Variants in MOB3B observed in about 807,000 individuals in gnomAD.
The protein encoded by MOB3B is MOB kinase activator 3B, also known as MOB kinase activator-like 2B.
MOB3B carries 7 observed loss-of-function variants against 18.7 expected under a neutral mutation model. The ratio of observed to expected loss-of-function variants is 0.37; its 90% CI spans 0.21 to 0.70. MOB3B has a LOEUF of 0.70. Ranked by LOEUF, MOB3B falls within the 30% of genes least tolerant of loss-of-function variation. MOB3B has a pLI of 0.52. For synonymous variants in MOB3B, 111 were observed against 99.9 expected, an observed-to-expected ratio of 1.11 and a Z score of -0.66; for missense variants, 253 against 281.3, an observed-to-expected ratio of 0.90 and a Z score of 0.72.
intron 3 of MOB3B, among the ~76,000 whole-genome samples, chr9:27,346,883 C>T (rs1415302177): frequency 6.6e-6 from 1 of 152,102 alleles, no homozygotes; most frequent in Non-Finnish European, 1.5e-5. Context: ...GTAGTCCCAG[C>T]TACTCGGGAG....
In MOB3B at chr9:27,327,840, A is replaced by C. The variant is rs1820734207; in HGVS notation, c.*2747T>G. 1 of 152,204 alleles carries C rather than the reference A, an allele frequency of 6.6e-6. No individual in the cohort carries two copies. Among genetic ancestry groups the C allele is most frequent in the African/African-American group, 2.4e-5 (1 of 41,452 alleles). The allele number at this position is 152,204 out of a possible 1,614,324, so 9.4% of individuals were successfully genotyped here. Reference sequence around the variant, plus strand: ...AGATTTATAGGACAATGCTCTTATTAAAAGAAAGAATATGATGAAGTATTT... The same window carrying C: ...AGATTTATAGGACAATGCTCTTATTCAAAGAAAGAATATGATGAAGTATTT... On this transcript the variant is annotated 3_prime_UTR_variant, in exon 4 of 4. Coordinates refer to ENST00000262244, the MANE Select transcript of MOB3B (RefSeq NM_024761.5).
At chr9:27,405,812 TGAA>T in intron 2 of MOB3B, among the ~76,000 whole-genome samples, 1 of 152,230 alleles carries the variant, frequency 6.6e-6, no homozygotes, top group East Asian at 1.9e-4. Context: ...ACCAATAGAA[TGAA>T]GGACAAAAAC....
At chr9:27,519,319 A>G (rs1370527064) in intron 1 of MOB3B, among the ~76,000 whole-genome samples, 1 of 152,152 alleles carries the variant, frequency 6.6e-6, no homozygotes, top group African/African-American at 2.4e-5. Context: ...TTTATCCTGG[A>G]CCTCATATCC....
intron 2 of MOB3B, among the ~76,000 whole-genome samples, chr9:27,420,337 G>A (rs1395313638): frequency 2.0e-5 from 3 of 151,600 alleles, no homozygotes; most frequent in Admixed American, 1.3e-4. Flanking sequence ...GTCATTATTC[G>A]AAAAAGATAT....
intron 1 of MOB3B, among the ~76,000 whole-genome samples, chr9:27,464,284 T>C (rs540801914): frequency 6.6e-6 from 1 of 152,328 alleles, no homozygotes; most frequent in South Asian, 2.1e-4. Flanking sequence ...AAATGCTTCA[T>C]TCTTGCTTAA....
intron 2 of MOB3B, among the ~76,000 whole-genome samples, chr9:27,376,191 C>T (rs572330370): frequency 6.6e-6 from 1 of 152,160 alleles, no homozygotes; most frequent in Admixed American, 6.5e-5. Flanking sequence ...ATAACCATCA[C>T]ACAGACTCAG....
At chr9:27,352,371 CA>C (rs372959856) in intron 3 of MOB3B, among the ~76,000 whole-genome samples, 9,266 of 68,412 alleles carry the variant, frequency 0.14, 271 homozygotes, top group African/African-American at 0.23. Flanking sequence ...GACCCTGTCT[CA>C]AAAAAAAAAA....
At chr9:27,406,926 C>T (rs1821989387) in intron 2 of MOB3B, among the ~76,000 whole-genome samples, 2 of 152,092 alleles carry the variant, frequency 1.3e-5, no homozygotes, top group Non-Finnish European at 2.9e-5. Context: ...GCAACCTCCA[C>T]CTTTTGGATT....
At chr9:27,447,788 G>C (rs566688323) in intron 2 of MOB3B, among the ~76,000 whole-genome samples, 2 of 152,200 alleles carry the variant, frequency 1.3e-5, no homozygotes, top group Admixed American at 6.5e-5. Context: ...TTGTGGTGGG[G>C]AACTGTGACC....
intron 1 of MOB3B, among the ~76,000 whole-genome samples, 165 bp downstream of exon 1, chr9:27,529,390 G>A (rs188366016): frequency 1.1e-4 from 16 of 152,312 alleles, no homozygotes; most frequent in African/African-American, 3.8e-4. Flanking sequence ...CTCCAGCCCC[G>A]GAAGCCCGTG....
intron 1 of MOB3B, among the ~76,000 whole-genome samples, chr9:27,469,288 G>A (rs963149233): frequency 6.6e-5 from 10 of 151,436 alleles, no homozygotes; most frequent in Admixed American, 2.6e-4. Context: ...TTTCTAATAC[G>A]AGAAAAAAAA....
chr9:27,340,621 T>C (rs114123078), intron 3 of MOB3B, among the ~76,000 whole-genome samples: 2,351 of 152,122 alleles, frequency 0.015, 70 homozygotes, highest in African/African-American at 0.054. Context: ...TAGCACCCTG[T>C]CTTGCTCTGT....
chr9:27,350,111 A>T (rs999139267), intron 3 of MOB3B, among the ~76,000 whole-genome samples: 4 of 152,144 alleles, frequency 2.6e-5, no homozygotes, highest in Non-Finnish European at 5.9e-5. Context: ...TTTTAATTTA[A>T]TGTTAATCTC....
chr9:27,390,054 C>CAT (rs750356254), intron 2 of MOB3B, among the ~76,000 whole-genome samples: 352 of 151,770 alleles, frequency 2.3e-3, no homozygotes, highest in South Asian at 0.011. Flanking sequence ...TCAATAGTTG[C>CAT]ATATATATAT....
intron 3 of MOB3B, among the ~76,000 whole-genome samples, chr9:27,334,241 T>A (rs1223326209): frequency 6.6e-6 from 1 of 152,200 alleles, no homozygotes; most frequent in Non-Finnish European, 1.5e-5. Flanking sequence ...CATGATAAAT[T>A]TATCTTTGGG....
At chr9:27,460,448 T>C (rs1819268683) in intron 1 of MOB3B, among the ~76,000 whole-genome samples, 1 of 152,186 alleles carries the variant, frequency 6.6e-6, no homozygotes, top group Admixed American at 6.5e-5. Context: ...CAAGGAAAGT[T>C]CTAATTTTTC....
intron 1 of MOB3B, among the ~76,000 whole-genome samples, chr9:27,501,642 CT>C (rs1253737682): frequency 6.6e-6 from 1 of 151,422 alleles, no homozygotes; most frequent in East Asian, 1.9e-4. Flanking sequence ...GGATAAATAA[CT>C]AATGTAAATG....
At chr9:27,414,761 G>C (rs748897691) in intron 2 of MOB3B, among the ~76,000 whole-genome samples, 21 of 152,180 alleles carry the variant, frequency 1.4e-4, no homozygotes, top group Non-Finnish European at 2.5e-4. Context: ...CTTCCAAGCA[G>C]CTGCTTGTAG....
chr9:27,354,149 CA>C (rs1306070586), intron 3 of MOB3B, among the ~76,000 whole-genome samples: 1 of 152,250 alleles, frequency 6.6e-6, no homozygotes, highest in Non-Finnish European at 1.5e-5. Flanking sequence ...AGCCATGAGG[CA>C]AGCTCTGGGG....
Sources: gnomAD v4.1 joint callset for allele counts (sites outside exome capture counted in the v4.1 genomes callset) on GRCh38, gnomAD v4.1.1 for gene constraint, MANE v1.5 for transcripts, NCBI Gene and HGNC (gene_info 2026-07-23, HGNC 2026-07-21) for gene names.